The following AGFG1 variants were observed in gnomAD, a reference collection of about 807,000 sequenced individuals.
The protein encoded by AGFG1 is ArfGAP with FG repeats 1.
A neutral mutation model predicts 60.6 loss-of-function variants in AGFG1; 10 were observed. That is an observed-to-expected ratio of 0.16 (90% CI 0.10 to 0.28). The LOEUF is 0.28. Ranked by LOEUF, AGFG1 falls within the 10% of genes least tolerant of loss-of-function variation. The pLI is 1.00. For missense variants in AGFG1, 537 were observed against 676.5 expected (o/e 0.79, Z 2.29); for synonymous variants, 247 against 242.9 (o/e 1.02, Z -0.16).
At chr2:227,483,124 A>G (rs1690519491) in intron 1 of AGFG1, among the ~76,000 whole-genome samples, 1 of 152,088 alleles carries the variant, frequency 6.6e-6, no homozygotes, top group Non-Finnish European at 1.5e-5. Context: ...GACTAATATG[A>G]CAGAAAAGTG....
intron 2 of AGFG1, among the ~76,000 whole-genome samples, chr2:227,497,808 AATCTTGG>A (rs1691030038): frequency 8.1e-6 from 1 of 123,918 alleles, no homozygotes; most frequent in South Asian, 2.5e-4. Context: ...GCAGTGGTGC[AATCTTGG>A]CTCACTGCAA....
At chr2:227,485,530 C>T (rs1296028647) in intron 1 of AGFG1, among the ~76,000 whole-genome samples, 1 of 151,954 alleles carries the variant, frequency 6.6e-6, no homozygotes, top group African/African-American at 2.4e-5. Flanking sequence ...GCCACCGCAC[C>T]CAGCCCAAAT....
chr2:227,510,038 G>T (rs970953796), intron 2 of AGFG1, among the ~76,000 whole-genome samples: 4 of 152,202 alleles, frequency 2.6e-5, no homozygotes, highest in Non-Finnish European at 5.9e-5. Flanking sequence ...GTTTGAGATA[G>T]TTGGGCAGAT....
At chr2:227,526,295 G>T (rs146136253) in intron 5 of AGFG1, among the ~76,000 whole-genome samples, 3 of 152,058 alleles carry the variant, frequency 2.0e-5, no homozygotes, top group Non-Finnish European at 4.4e-5. Context: ...CTGGGTTTAA[G>T]CTATTCTCTC....
At chr2:227,519,096 GC>G (rs770220073) in intron 2 of AGFG1, among the ~76,000 whole-genome samples, 2 of 152,154 alleles carry the variant, frequency 1.3e-5, no homozygotes, top group Non-Finnish European at 2.9e-5. Flanking sequence ...GATGGCTTGA[GC>G]CTGGGAGGCA....
intron 2 of AGFG1, among the ~76,000 whole-genome samples, chr2:227,499,563 C>T (rs533754315): frequency 2.0e-5 from 3 of 151,904 alleles, no homozygotes; most frequent in Admixed American, 1.3e-4. Context: ...TCACTTGAAC[C>T]CAGCAGGCAG....
chr2:227,544,714 T>C (rs557190523), intron 10 of AGFG1, among the ~76,000 whole-genome samples: 24 of 152,342 alleles, frequency 1.6e-4, no homozygotes, highest in African/African-American at 2.9e-4. Flanking sequence ...CCTTCACTTA[T>C]GAAGCTTAGT....
chr2:227,478,481 C>A (rs1690356667), intron 1 of AGFG1, among the ~76,000 whole-genome samples: 1 of 151,774 alleles, frequency 6.6e-6, no homozygotes, highest in African/African-American at 2.4e-5. Flanking sequence ...GTACCTGGGA[C>A]TACAGGCGCG....
Position 227,557,598 on chromosome 2 carries a change from TTATTTAAGTA to T in AGFG1, c.*3106_*3115del, listed in dbSNP as rs1300707378. On this transcript the variant is annotated 3_prime_UTR_variant, in exon 13 of 13. Coordinates refer to ENST00000310078, the MANE Select transcript of AGFG1 (RefSeq NM_004504.5). ...TGAGATATTTTTAAAACATGTTTAT[TTATTTAAGTA>T]TAACAGTAATAAACTAATAACTTGC... 7 of 152,168 alleles carry T rather than the reference TTATTTAAGTA, an allele frequency of 4.6e-5. No individual in the cohort carries two copies. The highest frequency in any genetic ancestry group is 8.8e-5 in the Non-Finnish European group (6 of 68,018). The allele number at this position is 152,168 out of a possible 1,614,324, so 9.4% of individuals were successfully genotyped here.
chr2:227,474,246 A>G (rs1264721857), intron 1 of AGFG1, among the ~76,000 whole-genome samples: 2 of 152,212 alleles, frequency 1.3e-5, no homozygotes, highest in African/African-American at 4.8e-5. Flanking sequence ...TTGTAATTGT[A>G]TTTGATTTTT....
chr2:227,486,804 T>C (rs1053743262), intron 1 of AGFG1, among the ~76,000 whole-genome samples: 3 of 152,230 alleles, frequency 2.0e-5, no homozygotes, highest in Non-Finnish European at 2.9e-5. Context: ...GGTTCTCAAC[T>C]GCAGGGGTTT....
At position 227,560,957 on chromosome 2, in the gene AGFG1, C is replaced by T. The variant is rs1169258112; in HGVS notation, c.*6462C>T. 6.6e-6 allele frequency: 1 copy of T among 152,148 alleles called. No homozygotes were observed. Among genetic ancestry groups the T allele is most frequent in the Non-Finnish European group, 1.5e-5 (1 of 67,996 alleles). 9.4% of individuals were successfully genotyped at this position (152,148 alleles called of 1,614,324 possible). A position where few individuals can be genotyped will look rare whatever the true frequency, so the allele number is the denominator to read the frequency against. On this transcript the variant is annotated 3_prime_UTR_variant, in exon 13 of 13. Transcript: ENST00000310078. ...TAGGAATAGGGAACAAGGAAACTTACTGGGAAGTTCAAAAGAAAGAATAAC... is the reference window on the plus strand; with the variant it reads ...TAGGAATAGGGAACAAGGAAACTTATTGGGAAGTTCAAAAGAAAGAATAAC...
chr2:227,476,768 A>G (rs1690293403), intron 1 of AGFG1, among the ~76,000 whole-genome samples: 3 of 152,134 alleles, frequency 2.0e-5, no homozygotes, highest in African/African-American at 7.2e-5. Flanking sequence ...AATATTCAGG[A>G]CCTTGTGAGG....
rs1553540684 is a variant in AGFG1 at position 227,496,125 on chromosome 2, G to GAAAGA, written c.261+4488_261+4489insGAAAA. Among the ~76,000 whole-genome samples, 105 of 143,278 alleles carry GAAAGA rather than the reference G, an allele frequency of 7.3e-4. 1 individual carries two copies. Among genetic ancestry groups the GAAAGA allele is most frequent in the African/African-American group, 2.5e-3 (97 of 39,048 alleles). 94.0% of individuals were successfully genotyped at this position (143,278 alleles called of 152,430 possible). On this transcript the variant is annotated intron_variant, in intron 2 of 12. Transcript: ENST00000310078. ...GAGACTGTCTCAAAAAAAAAAAAAA[G>GAAAGA]AAAAAAAAAGAAGACATTATTATTA...
intron 2 of AGFG1, among the ~76,000 whole-genome samples, chr2:227,494,525 G>A (rs1690919301): frequency 6.6e-6 from 1 of 152,190 alleles, no homozygotes; most frequent in Non-Finnish European, 1.5e-5. Context: ...AGCAGCCTTG[G>A]ATCTTTGATC....
At chr2:227,534,084 TTG>T (rs1157947702) in intron 7 of AGFG1, among the ~76,000 whole-genome samples, 1 of 152,262 alleles carries the variant, frequency 6.6e-6, no homozygotes, top group East Asian at 1.9e-4. Context: ...GGAGGATTAT[TTG>T]GTGGTTTCTG....
intron 3 of AGFG1, among the ~76,000 whole-genome samples, chr2:227,521,361 C>G (rs888018482): frequency 3.9e-5 from 6 of 152,122 alleles, no homozygotes; most frequent in Non-Finnish European, 7.4e-5. Flanking sequence ...GCCACTGTGC[C>G]CGGCCTAAAA....
intron 6 of AGFG1, chr2:227,532,338 CTATT>C (rs1306109207): frequency 1.6e-5 from 10 of 608,770 alleles, no homozygotes; most frequent in Middle Eastern, 4.3e-4. Flanking sequence ...TCTTCCAACT[CTATT>C]TATTAAACTC....
intron 2 of AGFG1, among the ~76,000 whole-genome samples, chr2:227,497,170 C>CG: frequency 6.6e-6 from 1 of 150,840 alleles, no homozygotes; most frequent in East Asian, 2.0e-4. Flanking sequence ...CCTCTTCCCC[C>CG]CCCACCCCAC....
Sources: gnomAD v4.1 joint callset for allele counts (sites outside exome capture counted in the v4.1 genomes callset) on GRCh38, gnomAD v4.1.1 for gene constraint, MANE v1.5 for transcripts, NCBI Gene and HGNC (gene_info 2026-07-23, HGNC 2026-07-21) for gene names.